FBXO42: variants seen among roughly 807,000 people sequenced by gnomAD.
FBXO42 encodes F-box protein 42.
A neutral mutation model predicts 71.7 loss-of-function variants in FBXO42; 12 were observed. That is an observed-to-expected ratio of 0.17 (90% CI 0.11 to 0.27). The LOEUF (loss-of-function observed/expected upper bound fraction) is 0.27. FBXO42 is among the 10% of genes least tolerant of loss of function. FBXO42 has a pLI of 1.00. For synonymous variants in FBXO42, 325 were observed against 327.5 expected (o/e 0.99, Z 0.08); for missense variants, 707 against 911.9 (o/e 0.78, Z 2.89).
intron 4 of FBXO42, among the ~76,000 whole-genome samples, chr1:16,273,434 C>T (rs973613690): frequency 6.6e-6 from 1 of 152,090 alleles, no homozygotes; most frequent in South Asian, 2.1e-4. Flanking sequence ...GGAGAGCTCT[C>T]TGGGATGCTT....
intron 4 of FBXO42, among the ~76,000 whole-genome samples, chr1:16,270,141 C>A (rs2081824271): frequency 6.6e-6 from 1 of 152,156 alleles, no homozygotes; most frequent in Non-Finnish European, 1.5e-5. Flanking sequence ...CAGGTGTGAG[C>A]CACCACGCCC....
intron 1 of FBXO42, among the ~76,000 whole-genome samples, chr1:16,324,278 A>G (rs554717672): frequency 6.6e-6 from 1 of 152,178 alleles, no homozygotes; most frequent in African/African-American, 2.4e-5. Flanking sequence ...AAAAACACAA[A>G]AAGAAAAAAT....
intron 3 of FBXO42, among the ~76,000 whole-genome samples, chr1:16,302,657 C>T (rs949421064): frequency 6.6e-6 from 1 of 152,084 alleles, no homozygotes; most frequent in African/African-American, 2.4e-5. Context: ...CTATAGGCAC[C>T]CGCCACCAGG....
At chr1:16,301,506 T>C (rs2082194270) in intron 3 of FBXO42, among the ~76,000 whole-genome samples, 1 of 151,500 alleles carries the variant, frequency 6.6e-6, no homozygotes, top group African/African-American at 2.4e-5. Context: ...CTACTAAAAC[T>C]ACAAAAATTA....
At chr1:16,300,249 T>C (rs977629189) in intron 3 of FBXO42, among the ~76,000 whole-genome samples, 1 of 152,176 alleles carries the variant, frequency 6.6e-6, no homozygotes, top group African/African-American at 2.4e-5. Context: ...ACTGAGAGTG[T>C]CTATTCCAAC....
intron 2 of FBXO42, among the ~76,000 whole-genome samples, chr1:16,311,968 T>C (rs1240240935): frequency 6.6e-6 from 1 of 152,090 alleles, no homozygotes; most frequent in Non-Finnish European, 1.5e-5. Context: ...GCAACTAAGA[T>C]GCCCTTTCAG....
chr1:16,263,378 G>A (rs564588647), intron 4 of FBXO42, among the ~76,000 whole-genome samples: 2 of 152,152 alleles, frequency 1.3e-5, no homozygotes, highest in South Asian at 4.2e-4. Flanking sequence ...AACCCGCCAA[G>A]CTTGCATTGA....
chr1:16,312,785 C>T (rs370562762), intron 2 of FBXO42, among the ~76,000 whole-genome samples: 8 of 143,900 alleles, frequency 5.6e-5, no homozygotes, highest in African/African-American at 1.8e-4. Flanking sequence ...TATGAGAAAT[C>T]GGTTTTGTTT....
chr1:16,252,685 T>TAAAA lies in FBXO42; in HGVS notation c.922-282_922-281insTTTT, dbSNP rs2081605360. 1.3e-5 allele frequency among the ~76,000 whole-genome samples: 2 copies of TAAAA among 152,220 alleles called. No homozygotes were observed. The highest frequency in any genetic ancestry group is 4.8e-5 in the African/African-American group (2 of 41,460). ...TTGCCCATAATTTTATGTGTATGTA[T>TAAAA]TGGGGATTGAAGGAGAGGATAAATA... On this transcript the variant is annotated intron_variant, in intron 8 of 9. Transcript: ENST00000375592. This position sits in a 1 kb window ranked among gnomAD's most constrained non-coding sequence, Gnocchi z 4.4.
chr1:16,333,264 C>T (rs553053860), intron 1 of FBXO42, among the ~76,000 whole-genome samples: 2 of 152,262 alleles, frequency 1.3e-5, no homozygotes, highest in African/African-American at 4.8e-5. Flanking sequence ...ATAGTTTCTA[C>T]TTTTCACCAC....
At chr1:16,261,704 A>AT (rs34034576) in intron 4 of FBXO42, among the ~76,000 whole-genome samples, 53 of 148,302 alleles carry the variant, frequency 3.6e-4, no homozygotes, top group East Asian at 1.2e-3. Context: ...AGGTATATCA[A>AT]TTTTTTTTTT....
chr1:16,323,794 C>CAAAAAAAA (rs1158421632), intron 1 of FBXO42, among the ~76,000 whole-genome samples: 7 of 63,238 alleles, frequency 1.1e-4, no homozygotes, highest in African/African-American at 4.9e-4. Context: ...GACTCTGTCT[C>CAAAAAAAA]AAAAAAAAAA....
intron 3 of FBXO42, among the ~76,000 whole-genome samples, chr1:16,302,160 G>A (rs1180654859): frequency 6.6e-6 from 1 of 152,116 alleles, no homozygotes; most frequent in Non-Finnish European, 1.5e-5. Context: ...TAATATCTAC[G>A]GCGAGGAATC....
intron 3 of FBXO42, among the ~76,000 whole-genome samples, chr1:16,301,434 G>A (rs562521011): frequency 3.3e-5 from 5 of 152,010 alleles, no homozygotes; most frequent in African/African-American, 1.2e-4. Context: ...AGGCTGAGAT[G>A]GGCAGATTTC....
chr1:16,297,728 G>A (rs975974734), intron 3 of FBXO42, among the ~76,000 whole-genome samples: 6 of 152,088 alleles, frequency 3.9e-5, no homozygotes, highest in South Asian at 2.1e-4. Flanking sequence ...TTAGCCGGGC[G>A]TGGTGGCAGG....
intron 4 of FBXO42, among the ~76,000 whole-genome samples, chr1:16,285,480 G>T (rs1335392930): frequency 1.3e-5 from 2 of 152,038 alleles, no homozygotes; most frequent in East Asian, 2.0e-4. Context: ...CACCATGTTG[G>T]TCAGGTTGGT....
At chr1:16,336,554 A>G (rs1397761437) in intron 1 of FBXO42, among the ~76,000 whole-genome samples, 1 of 148,638 alleles carries the variant, frequency 6.7e-6, no homozygotes, top group Non-Finnish European at 1.5e-5. Context: ...GAGGGGTTTC[A>G]CCATGTTGGC....
intron 1 of FBXO42, among the ~76,000 whole-genome samples, chr1:16,322,304 G>T (rs1270732532): frequency 6.6e-6 from 1 of 152,164 alleles, no homozygotes; most frequent in Non-Finnish European, 1.5e-5. Context: ...TAGGCCAGGC[G>T]TGATGGCTCA....
At chr1:16,333,026 C>A (rs546762333) in intron 1 of FBXO42, among the ~76,000 whole-genome samples, 1 of 152,184 alleles carries the variant, frequency 6.6e-6, no homozygotes, top group African/African-American at 2.4e-5. Flanking sequence ...CTCTTGCTGG[C>A]CATCCCCTCT....
Sources: allele counts gnomAD v4.1 joint callset (sites outside exome capture counted in the v4.1 genomes callset), GRCh38; gene constraint gnomAD v4.1.1; non-coding constraint Gnocchi (gnomAD v3.1); transcripts MANE v1.5; gene names NCBI Gene and HGNC (gene_info 2026-07-23, HGNC 2026-07-21).